Variants in ZDHHC7 observed in about 807,000 individuals in gnomAD.
The protein encoded by ZDHHC7 is zDHHC palmitoyltransferase 7, also known as palmitoyltransferase ZDHHC7.
ZDHHC7 carries 12 observed loss-of-function variants against 34.1 expected under a neutral mutation model. The ratio of observed to expected loss-of-function variants is 0.35; its 90% CI spans 0.23 to 0.57. The LOEUF (loss-of-function observed/expected upper bound fraction) is 0.57, where lower values mean the gene tolerates loss of function less well. Among genes scored for constraint, ZDHHC7 ranks in the 20% least tolerant of loss-of-function variants. ZDHHC7 has a pLI of 0.84. For synonymous variants in ZDHHC7, 185 were observed against 155.4 expected (o/e 1.19, Z -1.42); for missense variants, 388 against 402.7 (o/e 0.96, Z 0.31).
the ZDHHC7 span, among the ~76,000 whole-genome samples, chr16:85,022,883 T>C: frequency 1.3e-5 from 2 of 152,156 alleles, no homozygotes; most frequent in Non-Finnish European, 2.9e-5. Flanking sequence ...AAAATCTAAA[T>C]GGAGGGACAT....
At chr16:84,983,233 T>G (rs2072393562) in intron 3 of ZDHHC7, among the ~76,000 whole-genome samples, 1 of 151,984 alleles carries the variant, frequency 6.6e-6, no homozygotes, top group African/African-American at 2.4e-5. Context: ...GGGATATAGG[T>G]GGGGCAAATG....
At chr16:85,027,238 C>T in the ZDHHC7 span, among the ~76,000 whole-genome samples, 5 of 152,092 alleles carry the variant, frequency 3.3e-5, no homozygotes, top group Non-Finnish European at 5.9e-5. Context: ...TTTTTTAAAT[C>T]TCTTTTGAAA....
intron 1 of ZDHHC7, among the ~76,000 whole-genome samples, chr16:85,006,774 C>T (rs1040077557): frequency 4.6e-5 from 7 of 152,032 alleles, no homozygotes; most frequent in African/African-American, 1.5e-4. Context: ...TAAAACAAAA[C>T]CACAGCACAG....
At chr16:85,006,291 C>G (rs1368255280) in intron 1 of ZDHHC7, among the ~76,000 whole-genome samples, 1 of 151,966 alleles carries the variant, frequency 6.6e-6, no homozygotes, top group Non-Finnish European at 1.5e-5. Context: ...CCCAGGCGTT[C>G]AAGGCTGCAG....
intron 3 of ZDHHC7, among the ~76,000 whole-genome samples, chr16:84,989,379 T>C (rs1428038763): frequency 6.6e-6 from 1 of 152,216 alleles, no homozygotes; most frequent in Non-Finnish European, 1.5e-5. Flanking sequence ...TTCTGTGAGC[T>C]GATCCGTTTC....
chr16:85,025,052 G>A, the ZDHHC7 span, among the ~76,000 whole-genome samples: 1 of 152,112 alleles, frequency 6.6e-6, no homozygotes, highest in South Asian at 2.1e-4. Context: ...CGAGGTAGGT[G>A]GATCACTTGA....
chr16:84,991,794 A>C (rs2072513016), intron 2 of ZDHHC7, among the ~76,000 whole-genome samples: 1 of 151,928 alleles, frequency 6.6e-6, no homozygotes, highest in South Asian at 2.1e-4. Flanking sequence ...CACCATGCCC[A>C]GCCTTTCCTT....
chr16:84,993,322 A>T (rs539234933), intron 2 of ZDHHC7, among the ~76,000 whole-genome samples: 46 of 152,210 alleles, frequency 3.0e-4, no homozygotes, highest in Admixed American at 1.4e-3. Flanking sequence ...CTGTCTCAAA[A>T]AATAAAAATA....
upstream of ZDHHC7, among the ~76,000 whole-genome samples, chr16:85,014,242 G>A (rs2072825223): frequency 6.6e-6 from 1 of 152,204 alleles, no homozygotes. Flanking sequence ...CACCTGAGAA[G>A]TATAGATTTC....
Position 84,990,349 on chromosome 16 carries a change from G to C in ZDHHC7, c.270C>G (p.Ala90=). 6.2e-7 allele frequency: 1 copy of C among 1,614,094 alleles called. No individual in the cohort carries two copies. The highest frequency in any genetic ancestry group is 2.2e-5 in the East Asian group (1 of 44,878). ...TCAGGTGGGATGACAGGGCAAGCACGGCCAAGCAGTTAAAGATGACCCCGT... is the reference window on the plus strand; with the variant it reads ...TCAGGTGGGATGACAGGGCAAGCACCGCCAAGCAGTTAAAGATGACCCCGT... The part of the protein sequence containing the change: ...VVNGVIFNCL[A]VLALSSHLRT... Residue 90 remains alanine (A), a synonymous_variant, in exon 3 of 8, where the codon GCC becomes GCG. Transcript: ENST00000313732.
intron 2 of ZDHHC7, among the ~76,000 whole-genome samples, chr16:84,993,886 C>T (rs1597549790): frequency 6.6e-6 from 1 of 152,142 alleles, no homozygotes; most frequent in Non-Finnish European, 1.5e-5. Context: ...CTAGGCAAGC[C>T]AACCTGAAAA....
chr16:84,997,401 T>A (rs576077929), intron 1 of ZDHHC7, among the ~76,000 whole-genome samples: 24 of 150,194 alleles, frequency 1.6e-4, no homozygotes, highest in Admixed American at 4.6e-4. Flanking sequence ...CCTGAGTAGC[T>A]GGGACTACAG....
chr16:85,026,017 C>T, the ZDHHC7 span, among the ~76,000 whole-genome samples: 2 of 152,218 alleles, frequency 1.3e-5, no homozygotes, highest in African/African-American at 4.8e-5. Flanking sequence ...AAAAAATGGT[C>T]ATGTAATCTG....
At chr16:85,024,508 G>T in the ZDHHC7 span, among the ~76,000 whole-genome samples, 1 of 152,212 alleles carries the variant, frequency 6.6e-6, no homozygotes, top group Non-Finnish European at 1.5e-5. Flanking sequence ...TGGGATTAAA[G>T]GCGTGAGCCA....
chr16:85,012,600 C>T (rs1256741807), upstream of ZDHHC7, among the ~76,000 whole-genome samples: 5 of 151,856 alleles, frequency 3.3e-5, no homozygotes, highest in Non-Finnish European at 2.9e-5. Context: ...TCAATGAAGA[C>T]ACCTAAAGAA....
At chr16:85,012,673 G>C (rs986676873), upstream of ZDHHC7, among the ~76,000 whole-genome samples, 1 of 152,118 alleles carries the variant, frequency 6.6e-6, no homozygotes, top group Admixed American at 6.6e-5. Context: ...AGGAGGCCGA[G>C]GCAGGCAGAT....
At chr16:85,001,134 C>A (rs908822808) in intron 1 of ZDHHC7, among the ~76,000 whole-genome samples, 1 of 152,110 alleles carries the variant, frequency 6.6e-6, no homozygotes, top group African/African-American at 2.4e-5. Context: ...CTTCACTCTG[C>A]TGGAATGGGA....
chr16:84,990,291 A>G lies in ZDHHC7; in HGVS notation c.315+13T>C, dbSNP rs760821594. The G allele has an allele frequency of 3.7e-6, 6 of 1,611,420 alleles. No homozygotes were observed. The Admixed American group carries it at 8.3e-5, about 22-fold the overall frequency. ...ACACAAGAGAGCCACCCAGAGACGCAGCCAGTACTCACAGGGTCGGTGAGC... is the reference window on the plus strand; with the variant it reads ...ACACAAGAGAGCCACCCAGAGACGCGGCCAGTACTCACAGGGTCGGTGAGC... On this transcript the variant is annotated intron_variant, in intron 3 of 7. Coordinates refer to ENST00000313732, the MANE Select transcript of ZDHHC7 (RefSeq NM_017740.3).
chr16:84,997,798 CAGG>C, intron 1 of ZDHHC7, among the ~76,000 whole-genome samples: 1 of 144,736 alleles, frequency 6.9e-6, no homozygotes, highest in South Asian at 2.2e-4. Flanking sequence ...GAGGCTGAGG[CAGG>C]AGAATGGCAT....
Sources: gnomAD v4.1 joint callset for allele counts (sites outside exome capture counted in the v4.1 genomes callset) on GRCh38, gnomAD v4.1.1 for gene constraint, MANE v1.5 for transcripts, NCBI Gene and HGNC (gene_info 2026-07-23, HGNC 2026-07-21) for gene names.